Variants in DNER observed in about 807,000 individuals in gnomAD.
DNER encodes the protein delta and Notch-like epidermal growth factor-related receptor.
In DNER, 33 loss-of-function variants were observed where a neutral mutation model predicts 78.2. That is an observed-to-expected ratio of 0.42 (90% CI 0.32 to 0.56). The LOEUF is 0.56. DNER is among the 20% of genes least tolerant of loss of function. DNER has a pLI of 0.11. For synonymous variants in DNER, 417 were observed against 384.8 expected (o/e 1.08, Z -0.98); for missense variants, 918 against 975.3 (o/e 0.94, Z 0.78).
intron 4 of DNER, among the ~76,000 whole-genome samples, chr2:229,559,952 C>A (rs909698289): frequency 5.3e-5 from 8 of 152,208 alleles, no homozygotes; most frequent in African/African-American, 1.9e-4. Flanking sequence ...AAATGTTCTG[C>A]CATCATTATG....
intron 1 of DNER, among the ~76,000 whole-genome samples, chr2:229,598,578 T>C (rs1409446467): frequency 7.5e-6 from 1 of 132,794 alleles, no homozygotes; most frequent in African/African-American, 2.6e-5. Flanking sequence ...TACATTTTTT[T>C]AATGCTGAGG....
In DNER at chr2:229,412,798, G is replaced by T. The variant is rs76437559; in HGVS notation, c.1609+5310C>A. On this transcript the variant is annotated intron_variant, in intron 9 of 12. Coordinates refer to ENST00000341772, the MANE Select transcript of DNER (RefSeq NM_139072.4). ...GGCGACGTGCAAGAGGGACCCCAGG[G>T]CTCAGTGGGGCAAAGGGACAGGAAC... Among the ~76,000 whole-genome samples the T allele has an allele frequency of 0.011, 1,622 of 152,272 alleles. 103 individuals carry two copies. The East Asian group carries it at 0.15, about 14-fold the overall frequency.
At chr2:229,602,941 G>C (rs1400668595) in intron 1 of DNER, among the ~76,000 whole-genome samples, 3 of 152,170 alleles carry the variant, frequency 2.0e-5, no homozygotes, top group African/African-American at 7.2e-5. Context: ...TAAGAACAAT[G>C]TGGGAGGGCT....
At chr2:229,673,500 A>T (rs533117114) in intron 1 of DNER, among the ~76,000 whole-genome samples, 2 of 152,278 alleles carry the variant, frequency 1.3e-5, no homozygotes, top group East Asian at 3.9e-4. Flanking sequence ...TCAAACTTAG[A>T]ATCATTAGCT....
chr2:229,477,279 A>C lies in DNER; in HGVS notation c.1148-26T>G, dbSNP rs545596600. On this transcript the variant is annotated intron_variant, in intron 6 of 12. Transcript: ENST00000341772. ...CTGAATAAAACAAAATGTACATTTT[A>C]TAAAATAAGCTCTTCCAGACCCACC... 50 of 1,574,322 alleles carry C rather than the reference A, an allele frequency of 3.2e-5. No homozygotes were observed. The East Asian group carries it at 1.1e-3, about 34-fold the overall frequency.
intron 1 of DNER, among the ~76,000 whole-genome samples, chr2:229,592,152 T>C (rs1200480691): frequency 6.6e-6 from 1 of 152,158 alleles, no homozygotes; most frequent in East Asian, 1.9e-4. Flanking sequence ...CCCAATAATG[T>C]CGATTTCAGT....
At chr2:229,638,473 A>G (rs1698563166) in intron 1 of DNER, among the ~76,000 whole-genome samples, 1 of 152,214 alleles carries the variant, frequency 6.6e-6, no homozygotes, top group Non-Finnish European at 1.5e-5. Flanking sequence ...ACTCTTTTCA[A>G]CAAATGGTGC....
At chr2:229,368,893 T>C (rs770575930) in intron 11 of DNER, among the ~76,000 whole-genome samples, 10 of 152,238 alleles carry the variant, frequency 6.6e-5, no homozygotes, top group Non-Finnish European at 1.0e-4. Context: ...CCTCTGTATA[T>C]GTCTGAGTCT....
At chr2:229,511,781 T>C (rs1464328782) in intron 6 of DNER, among the ~76,000 whole-genome samples, 2 of 152,194 alleles carry the variant, frequency 1.3e-5, no homozygotes, top group African/African-American at 2.4e-5. Context: ...GAGAATATTA[T>C]TTTCCCTGAA....
chr2:229,578,872 C>T (rs1282710890), intron 4 of DNER, among the ~76,000 whole-genome samples: 3 of 152,140 alleles, frequency 2.0e-5, no homozygotes, highest in African/African-American at 7.2e-5. Flanking sequence ...AAATTCACAT[C>T]GAAGACTAGA....
At chr2:229,694,306 A>G (rs1699629398) in intron 1 of DNER, among the ~76,000 whole-genome samples, 1 of 152,236 alleles carries the variant, frequency 6.6e-6, no homozygotes, top group Non-Finnish European at 1.5e-5. Context: ...GCAGTGCAGA[A>G]GGGAAATGTG....
intron 6 of DNER, among the ~76,000 whole-genome samples, chr2:229,508,541 T>C (rs1366545015): frequency 6.6e-6 from 1 of 152,146 alleles, no homozygotes; most frequent in Non-Finnish European, 1.5e-5. Context: ...TTTAAAAGAA[T>C]TAAAAATAAA....
chr2:229,687,977 G>A (rs1053560447), intron 1 of DNER, among the ~76,000 whole-genome samples: 20 of 152,290 alleles, frequency 1.3e-4, no homozygotes, highest in Non-Finnish European at 2.2e-4. Context: ...GCAAGTTTCC[G>A]TTGTGGCATA....
At chr2:229,521,612 C>T (rs1322644898) in intron 5 of DNER, among the ~76,000 whole-genome samples, 1 of 152,146 alleles carries the variant, frequency 6.6e-6, no homozygotes, top group Non-Finnish European at 1.5e-5. Context: ...GTTCAGCATC[C>T]CCTTTTAGCC....
intron 1 of DNER, among the ~76,000 whole-genome samples, chr2:229,680,518 AG>A (rs529392891): frequency 6.3e-4 from 96 of 152,358 alleles, no homozygotes; most frequent in African/African-American, 2.1e-3. Context: ...CTTGAAGTGC[AG>A]GTATCACACA....
chr2:229,590,863 TG>T (rs1405595440), intron 2 of DNER, among the ~76,000 whole-genome samples: 1 of 152,226 alleles, frequency 6.6e-6, no homozygotes, highest in African/African-American at 2.4e-5. Flanking sequence ...AGGAGATGTT[TG>T]GGCCATGGGG....
At chr2:229,627,197 T>C (rs994840413) in intron 1 of DNER, among the ~76,000 whole-genome samples, 2 of 152,302 alleles carry the variant, frequency 1.3e-5, no homozygotes, top group Non-Finnish European at 2.9e-5. Context: ...CTGTGAGATA[T>C]CCACACAAAT....
intron 7 of DNER, among the ~76,000 whole-genome samples, chr2:229,475,636 C>A (rs1412128630): frequency 6.6e-6 from 1 of 152,184 alleles, no homozygotes; most frequent in African/African-American, 2.4e-5. Flanking sequence ...TCATTAACAA[C>A]TAGGAAATTG....
intron 10 of DNER, among the ~76,000 whole-genome samples, chr2:229,399,876 A>C (rs562012838): frequency 7.2e-5 from 11 of 152,030 alleles, no homozygotes; most frequent in Non-Finnish European, 1.5e-4. Flanking sequence ...AAAGAATGCA[A>C]ACTGTGAGAA....
Sources: allele counts gnomAD v4.1 joint callset (sites outside exome capture counted in the v4.1 genomes callset), GRCh38; gene constraint gnomAD v4.1.1; transcripts MANE v1.5; gene names NCBI Gene and HGNC (gene_info 2026-07-23, HGNC 2026-07-21).